The following ARF3 variants were observed in gnomAD, a reference collection of about 807,000 sequenced individuals.
The protein encoded by ARF3 is ARF GTPase 3.
In ARF3, 5 loss-of-function variants were observed where a neutral mutation model predicts 19.3. That is an observed-to-expected ratio of 0.26 (90% CI 0.14 to 0.54). ARF3 has a LOEUF of 0.54. Among genes scored for constraint, ARF3 ranks in the 20% least tolerant of loss-of-function variants. The probability of loss-of-function intolerance (pLI) is 0.95; values close to 1 mark genes in which losing one functional copy is unlikely to be tolerated. For missense variants in ARF3, 77 were observed against 234.2 expected, an observed-to-expected ratio of 0.33 and a Z score of 4.38; for synonymous variants, 71 against 89.2, an observed-to-expected ratio of 0.80 and a Z score of 1.15.
At chr12:48,956,802 T>C (rs1467974458) in intron 1 of ARF3, among the ~76,000 whole-genome samples, 2 of 152,144 alleles carry the variant, frequency 1.3e-5, no homozygotes, top group African/African-American at 2.4e-5. Context: ...CCTGCCCTGT[T>C]GGCTAACCCC....
In ARF3 at chr12:48,947,305, CTTT is replaced by C. The variant is rs201946318; in HGVS notation, c.-93-6120_-93-6118del. On this transcript the variant is annotated intron_variant, in intron 1 of 4. Coordinates refer to ENST00000256682, the MANE Select transcript of ARF3 (RefSeq NM_001659.3). The stretch of plus-strand genomic sequence containing the variant: ...TACCAGCTTTCATCCATTCATCAAA[CTTT>C]TTTTTTTTTTTTTTTTTTGAGACAA... Among the ~76,000 whole-genome samples, 29 of 132,596 alleles carry C rather than the reference CTTT, an allele frequency of 2.2e-4. 2 individuals carry two copies. The highest frequency in any genetic ancestry group is 7.1e-4 in the South Asian group (3 of 4,242). 87.0% of individuals were successfully genotyped at this position (132,596 alleles called of 152,430 possible). A position where few individuals can be genotyped will look rare whatever the true frequency, so the allele number is the denominator to read the frequency against.
At chr12:48,953,708 C>A (rs1940509297) in intron 1 of ARF3, among the ~76,000 whole-genome samples, 1 of 152,226 alleles carries the variant, frequency 6.6e-6, no homozygotes, top group South Asian at 2.1e-4. Flanking sequence ...TGCATAAGTC[C>A]ATGGTAAAGC....
At position 48,938,326 on chromosome 12, in the gene ARF3, C is replaced by T. The variant is rs1406010085; in HGVS notation, c.*621G>A. On this transcript the variant is annotated 3_prime_UTR_variant, in exon 5 of 5. Coordinates refer to ENST00000256682, the MANE Select transcript of ARF3 (RefSeq NM_001659.3). ...GGCAGTCCGGCTTGACTAATGCCCT[C>T]CCACCTTCTTCCCTTAATCTCACCA... 3 of 452,250 alleles carry T rather than the reference C, an allele frequency of 6.6e-6. No individual in the cohort carries two copies. The highest frequency in any genetic ancestry group is 3.1e-5 in the South Asian group (2 of 64,258). 28.0% of individuals were successfully genotyped at this position (452,250 alleles called of 1,614,324 possible). A position where few individuals can be genotyped will look rare whatever the true frequency, so the allele number is the denominator to read the frequency against.
chr12:48,937,045 T>TCA lies in ARF3; in HGVS notation c.*1900_*1901dup, dbSNP rs750021723. The TCA allele has an allele frequency of 3.2e-4, 48 of 150,014 alleles. No individual in the cohort carries two copies. Among genetic ancestry groups the TCA allele is most frequent in the Non-Finnish European group, 4.3e-4 (29 of 67,278 alleles). 9.3% of individuals were successfully genotyped at this position (150,014 alleles called of 1,614,324 possible). On this transcript the variant is annotated 3_prime_UTR_variant, in exon 5 of 5. Transcript: ENST00000256682. ...CACCCACACCCATATACACACACACTCACACACACACACAGGCCTAGAGAG... is the reference window on the plus strand; with the variant it reads ...CACCCACACCCATATACACACACACTCACACACACACACACAGGCCTAGAGAG...
rs1222087902 is a variant in ARF3 at position 48,957,427 on chromosome 12, G to C, written c.-211C>G. 6.5e-6 allele frequency: 1 copy of C among 153,154 alleles called. No individual in the cohort carries two copies. The highest frequency in any genetic ancestry group is 2.4e-5 in the African/African-American group (1 of 41,434). 9.5% of individuals were successfully genotyped at this position (153,154 alleles called of 1,614,324 possible). Reference sequence around the variant, plus strand: ...CGGCTGCTGCCCTGGCCCACTCCCCGGCTCCCTCCTTCCTTCCCTCCACCT... The same window carrying C: ...CGGCTGCTGCCCTGGCCCACTCCCCCGCTCCCTCCTTCCTTCCCTCCACCT... On this transcript the variant is annotated 5_prime_UTR_variant, in exon 1 of 5. Coordinates refer to ENST00000256682, the MANE Select transcript of ARF3 (RefSeq NM_001659.3).
At chr12:48,945,117 G>A (rs1056222273) in intron 1 of ARF3, among the ~76,000 whole-genome samples, 3 of 138,614 alleles carry the variant, frequency 2.2e-5, no homozygotes, top group African/African-American at 5.4e-5. Context: ...CTCCAGCCTG[G>A]TTGACAGAGG....
intron 1 of ARF3, among the ~76,000 whole-genome samples, chr12:48,949,567 G>A (rs1435701867): frequency 6.6e-6 from 1 of 151,798 alleles, no homozygotes; most frequent in Non-Finnish European, 1.5e-5. Context: ...TTTAGAAACA[G>A]AGTCTCACTC....
chr12:48,954,388 A>G (rs556339055), intron 1 of ARF3, among the ~76,000 whole-genome samples: 193 of 152,208 alleles, frequency 1.3e-3, no homozygotes, highest in Non-Finnish European at 2.4e-3. Context: ...TTTTCCTCTA[A>G]GGCAGCCCTG....
At chr12:48,948,751 C>T (rs1483279799) in intron 1 of ARF3, among the ~76,000 whole-genome samples, 1 of 151,698 alleles carries the variant, frequency 6.6e-6, no homozygotes, top group African/African-American at 2.4e-5. Flanking sequence ...GCAGGGGTTG[C>T]AGTGAGCCAA....
chr12:48,940,665 T>C (rs186702526), intron 2 of ARF3, among the ~76,000 whole-genome samples: 1 of 152,348 alleles, frequency 6.6e-6, no homozygotes, highest in East Asian at 1.9e-4. Context: ...CAAAGCCTTT[T>C]ACCTGCTTTC....
intron 1 of ARF3, among the ~76,000 whole-genome samples, chr12:48,941,929 A>G (rs1450011488): frequency 6.6e-6 from 1 of 152,096 alleles, no homozygotes; most frequent in Non-Finnish European, 1.5e-5. Flanking sequence ...TGGCCCATCC[A>G]AGGAGGGGGC....
rs927165567 is a variant in ARF3, at chr12:48,939,887, C to T, written c.260-108G>A. 71 of 1,594,730 alleles carry T rather than the reference C, an allele frequency of 4.5e-5. No homozygotes were observed. Among genetic ancestry groups the T allele is most frequent in the Non-Finnish European group, 5.8e-5 (68 of 1,164,106 alleles). The stretch of plus-strand genomic sequence containing the variant: ...TCCAAATATTTGCTCCCTTTCCTCC[C>T]TTTCTTCTGCCCCCAGGAGCTGCAG... On this transcript the variant is annotated intron_variant, in intron 3 of 4. Transcript: ENST00000256682. This position sits in a 1 kb window ranked among gnomAD's most constrained non-coding sequence, Gnocchi z 4.8.
rs1940166915 is a variant in ARF3, at chr12:48,937,475, G to A, written c.*1472C>T. The A allele has an allele frequency of 6.6e-6, 1 of 152,496 alleles. No homozygotes were observed. The highest frequency in any genetic ancestry group is 2.4e-5 in the African/African-American group (1 of 41,472). The allele number at this position is 152,496 out of a possible 1,614,324, so 9.4% of individuals were successfully genotyped here. Reference sequence around the variant, plus strand: ...GAGAGACGCAGTAGCAACAGCTTCTGAACAACTACATAATAATGCGGGGAG... The same window carrying A: ...GAGAGACGCAGTAGCAACAGCTTCTAAACAACTACATAATAATGCGGGGAG... On this transcript the variant is annotated 3_prime_UTR_variant, in exon 5 of 5. Transcript: ENST00000256682.
intron 1 of ARF3, among the ~76,000 whole-genome samples, chr12:48,954,365 T>C (rs1048704877): frequency 6.6e-6 from 1 of 152,242 alleles, no homozygotes; most frequent in South Asian, 2.1e-4. Context: ...CAAGTTGTTC[T>C]TCTGTAAACC....
rs546174442 is a variant in ARF3, at chr12:48,940,114, A to G, written c.149-7T>C. The G allele has an allele frequency of 1.7e-4, 261 of 1,531,914 alleles. No homozygotes were observed. The highest frequency in any genetic ancestry group is 7.0e-4 in the African/African-American group (44 of 62,928). The allele number at this position is 1,531,914 out of a possible 1,614,324, so 94.9% of individuals were successfully genotyped here. A position where few individuals can be genotyped will look rare whatever the true frequency, so the allele number is the denominator to read the frequency against. On this transcript the variant is annotated splice_region_variant and splice_polypyrimidine_tract_variant and intron_variant, in intron 2 of 4. Transcript: ENST00000256682. ...ACTGTCTCCACATTGAACCCTTTGG[A>G]AAAAAAACAGGCAATGGCCACTTGG...
At chr12:48,954,838 A>T (rs1940531595) in intron 1 of ARF3, among the ~76,000 whole-genome samples, 1 of 152,078 alleles carries the variant, frequency 6.6e-6, no homozygotes, top group African/African-American at 2.4e-5. Context: ...CTAGCAACAC[A>T]GTGAGATCTC....
At position 48,939,570 on chromosome 12, in the gene ARF3, G is replaced by GTTA. The variant is rs1207898342; in HGVS notation, c.384+82_384+84dup. On this transcript the variant is annotated intron_variant, in intron 4 of 4. Coordinates refer to ENST00000256682, the MANE Select transcript of ARF3 (RefSeq NM_001659.3). This position sits in a 1 kb window ranked among gnomAD's most constrained non-coding sequence, Gnocchi z 4.8. The stretch of plus-strand genomic sequence containing the variant: ...CTAACATTGAGAGCATACTAAAAGG[G>GTTA]TTAACCATATAATAGGCCCAAGAGC... 53 of 1,583,100 alleles carry GTTA rather than the reference G, an allele frequency of 3.3e-5. No homozygotes were observed. Among genetic ancestry groups the GTTA allele is most frequent in the Non-Finnish European group, 1.6e-5 (18 of 1,157,594 alleles).
chr12:48,950,542 ATTTT>A (rs1325287477), intron 1 of ARF3, among the ~76,000 whole-genome samples: 2 of 151,900 alleles, frequency 1.3e-5, no homozygotes, highest in Non-Finnish European at 2.9e-5. Flanking sequence ...CATTCTAACC[ATTTT>A]TTTAAGTATA....
At chr12:48,949,457 C>T (rs943340314) in intron 1 of ARF3, among the ~76,000 whole-genome samples, 2 of 152,174 alleles carry the variant, frequency 1.3e-5, no homozygotes, top group African/African-American at 2.4e-5. Flanking sequence ...GATCTCTTGA[C>T]CTCATGATCC....
Sources: allele counts gnomAD v4.1 joint callset (sites outside exome capture counted in the v4.1 genomes callset), GRCh38; gene constraint gnomAD v4.1.1; non-coding constraint Gnocchi (gnomAD v3.1); transcripts MANE v1.5; gene names NCBI Gene and HGNC (gene_info 2026-07-23, HGNC 2026-07-21).